Variants in ZMYND8 observed in about 807,000 individuals in gnomAD.
The protein encoded by ZMYND8 is MYND-type zinc finger-containing chromatin reader ZMYND8.
A neutral mutation model predicts 140.8 loss-of-function variants in ZMYND8; 37 were observed. The ratio of observed to expected loss-of-function variants is 0.26; its 90% confidence interval spans 0.20 to 0.35. ZMYND8 has a LOEUF of 0.35. ZMYND8 is among the 10% of genes least tolerant of loss of function. The probability of loss-of-function intolerance (pLI) is 1.00; values close to 1 mark genes in which losing one functional copy is unlikely to be tolerated. For missense variants in ZMYND8, 1,068 were observed against 1,570.0 expected (o/e 0.68, Z 5.40); for synonymous variants, 592 against 597.1 (o/e 0.99, Z 0.12).
intron 2 of ZMYND8, among the ~76,000 whole-genome samples, chr20:47,325,176 A>G (rs1347282797): frequency 2.6e-5 from 4 of 152,202 alleles, no homozygotes; most frequent in Non-Finnish European, 4.4e-5. Flanking sequence ...AAGTACTGCA[A>G]TTACAAGCGT....
intron 17 of ZMYND8, 148 bp downstream of exon 17, chr20:47,229,578 C>T (rs2038196478): frequency 1.5e-6 from 1 of 684,938 alleles, no homozygotes; most frequent in Non-Finnish European, 2.5e-6. Context: ...AAAAAATACC[C>T]CCATCGATAA....
intron 11 of ZMYND8, among the ~76,000 whole-genome samples, chr20:47,265,068 A>ATGTG (rs1555948705): frequency 1.4e-5 from 2 of 144,494 alleles, no homozygotes; most frequent in African/African-American, 5.0e-5. Flanking sequence ...ATATATATAT[A>ATGTG]GGCATTTTAA....
chr20:47,339,904 G>A (rs1171439458), intron 2 of ZMYND8, among the ~76,000 whole-genome samples: 1 of 151,996 alleles, frequency 6.6e-6, no homozygotes, highest in East Asian at 1.9e-4. Context: ...CTAGAAAGGG[G>A]GCAAGACAGA....
At chr20:47,233,665 G>C (rs1443703181) in intron 16 of ZMYND8, among the ~76,000 whole-genome samples, 3 of 152,194 alleles carry the variant, frequency 2.0e-5, no homozygotes, top group Non-Finnish European at 4.4e-5. Context: ...TCAAAGTCCA[G>C]CTTTGCCATT....
chr20:47,221,572 G>T (rs1202107021), intron 19 of ZMYND8, 98 bp from the exon 20 acceptor site: 3 of 1,432,336 alleles, frequency 2.1e-6, no homozygotes, highest in Non-Finnish European at 2.8e-6. Flanking sequence ...GGCACCCAAG[G>T]CTCAGCCCTA....
At chr20:47,341,989 C>T (rs995886142) in intron 2 of ZMYND8, among the ~76,000 whole-genome samples, 21 of 146,816 alleles carry the variant, frequency 1.4e-4, no homozygotes, top group Non-Finnish European at 1.9e-4. Context: ...GGTGACAGGG[C>T]GTGACTCCGT....
chr20:47,270,989 A>T (rs1379685913), intron 11 of ZMYND8, among the ~76,000 whole-genome samples: 1 of 152,134 alleles, frequency 6.6e-6, no homozygotes, highest in East Asian at 1.9e-4. Flanking sequence ...AGGCAGGAGA[A>T]TGGCGTGAAC....
chr20:47,346,597 C>T (rs528442701), intron 2 of ZMYND8, among the ~76,000 whole-genome samples: 83 of 152,132 alleles, frequency 5.5e-4, no homozygotes, highest in Middle Eastern at 6.8e-3. Flanking sequence ...AACTTTGCCC[C>T]AAAATGACAT....
intron 7 of ZMYND8, among the ~76,000 whole-genome samples, chr20:47,288,854 C>T (rs1033304597): frequency 6.6e-6 from 1 of 152,200 alleles, no homozygotes; most frequent in African/African-American, 2.4e-5. Context: ...GTAATCCCAA[C>T]ACTTTGGGAG....
At chr20:47,254,433 G>A (rs1216095793) in intron 12 of ZMYND8, among the ~76,000 whole-genome samples, 1 of 152,158 alleles carries the variant, frequency 6.6e-6, no homozygotes, top group Non-Finnish European at 1.5e-5. Context: ...GTCTTCAATA[G>A]CAAAAATGGA....
intron 3 of ZMYND8, among the ~76,000 whole-genome samples, chr20:47,307,800 C>T (rs1272405196): frequency 1.3e-5 from 2 of 151,928 alleles, no homozygotes; most frequent in African/African-American, 4.8e-5. Flanking sequence ...GCACTCCAAC[C>T]TCAGCAACAA....
intron 10 of ZMYND8, among the ~76,000 whole-genome samples, chr20:47,281,292 G>A (rs1438423435): frequency 6.6e-6 from 1 of 152,078 alleles, no homozygotes; most frequent in Non-Finnish European, 1.5e-5. Context: ...AATTTAACAG[G>A]GGAAACCAAT....
intron 2 of ZMYND8, among the ~76,000 whole-genome samples, chr20:47,334,178 C>A (rs1024815950): frequency 2.0e-5 from 3 of 152,124 alleles, no homozygotes. Flanking sequence ...TGTTTACCCT[C>A]GTGATCATGT....
At chr20:47,280,053 G>C (rs1181741639) in intron 10 of ZMYND8, among the ~76,000 whole-genome samples, 4 of 149,414 alleles carry the variant, frequency 2.7e-5, no homozygotes. Flanking sequence ...AATCCGGGAA[G>C]AGAAGGCTGC....
intron 15 of ZMYND8, among the ~76,000 whole-genome samples, chr20:47,236,948 C>A (rs1258786601): frequency 1.3e-5 from 2 of 152,214 alleles, no homozygotes; most frequent in Non-Finnish European, 2.9e-5. Flanking sequence ...TGAGGCCCAA[C>A]TCGCTCCCAT....
chr20:47,349,253 G>A (rs1415933398), intron 1 of ZMYND8: 3 of 152,410 alleles, frequency 2.0e-5, no homozygotes, highest in Admixed American at 6.5e-5. Flanking sequence ...GACGAAGAAA[G>A]GTAGTTGGGT....
chr20:47,306,654 G>A (rs970035389), intron 3 of ZMYND8, among the ~76,000 whole-genome samples: 7 of 147,836 alleles, frequency 4.7e-5, no homozygotes, highest in African/African-American at 1.3e-4. Context: ...CACTGCAACC[G>A]CTGCCTCCCG....
At chr20:47,342,891 A>G (rs2082028555) in intron 2 of ZMYND8, among the ~76,000 whole-genome samples, 1 of 151,836 alleles carries the variant, frequency 6.6e-6, no homozygotes, top group African/African-American at 2.4e-5. Context: ...CAGGATCCAT[A>G]GAGAAATGGA....
At chr20:47,275,035 G>GTGTGAAAGGC (rs2076175302) in intron 11 of ZMYND8, among the ~76,000 whole-genome samples, 1 of 152,204 alleles carries the variant, frequency 6.6e-6, no homozygotes, top group South Asian at 2.1e-4. Flanking sequence ...AAGGAAGCGA[G>GTGTGAAAGGC]TGTGAAAGGC....
Sources: allele counts gnomAD v4.1 joint callset (sites outside exome capture counted in the v4.1 genomes callset), GRCh38; gene constraint gnomAD v4.1.1; transcripts MANE v1.5; gene names NCBI Gene and HGNC (gene_info 2026-07-23, HGNC 2026-07-21).